Variants in PSD3 observed in about 807,000 individuals in gnomAD.
PSD3 encodes PH and SEC7 domain-containing protein 3.
In PSD3, 49 loss-of-function variants were observed where a neutral mutation model predicts 105.5. The observed-to-expected ratio is 0.46, with a 90% confidence interval of 0.37 to 0.59. The LOEUF is 0.59. PSD3 is among the 20% of genes least tolerant of loss of function. The probability of loss-of-function intolerance (pLI) is 0.00; values close to 1 mark genes in which losing one functional copy is unlikely to be tolerated. For missense variants in PSD3, 1,561 were observed against 1,263.8 expected, an observed-to-expected ratio of 1.24 and a Z score of -3.57; for synonymous variants, 557 against 457.8, an observed-to-expected ratio of 1.22 and a Z score of -2.77.
intron 9 of PSD3, among the ~76,000 whole-genome samples, chr8:18,713,622 G>A (rs1450631093): frequency 6.6e-6 from 1 of 152,028 alleles, no homozygotes; most frequent in Non-Finnish European, 1.5e-5. Context: ...TCTGCCCAAG[G>A]AAATCAGATG....
At chr8:18,802,434 C>G in intron 6 of PSD3, 2 of 300,662 alleles carry the variant, frequency 6.7e-6, no homozygotes, top group Non-Finnish European at 1.4e-5. Flanking sequence ...TACCATGAGC[C>G]TCATTTCTAT....
intron 9 of PSD3, among the ~76,000 whole-genome samples, chr8:18,701,079 C>G (rs937676409): frequency 6.6e-6 from 1 of 152,056 alleles, no homozygotes; most frequent in South Asian, 2.1e-4. Flanking sequence ...AATCCTCTCA[C>G]CCCAGCCTCC....
intron 8 of PSD3, among the ~76,000 whole-genome samples, chr8:18,776,851 G>A (rs765655997): frequency 7.2e-5 from 11 of 152,006 alleles, no homozygotes; most frequent in Non-Finnish European, 1.6e-4. Context: ...AATCTTCTTG[G>A]TAGTTTGTAT....
intron 9 of PSD3, among the ~76,000 whole-genome samples, chr8:18,663,676 T>C (rs571152490): frequency 2.0e-5 from 3 of 152,328 alleles, no homozygotes; most frequent in African/African-American, 4.8e-5. Flanking sequence ...ACTATGCTAG[T>C]ATGAATAACA....
At chr8:19,028,284 C>T (rs117012118) in intron 1 of PSD3, among the ~76,000 whole-genome samples, 5 of 94,504 alleles carry the variant, frequency 5.3e-5, no homozygotes, top group Admixed American at 1.1e-4. Context: ...CACCACCCCC[C>T]CCCCCCGGCC....
chr8:18,604,409 A>G lies in PSD3; in HGVS notation c.2411-3975T>C, dbSNP rs28791786. On this transcript the variant is annotated intron_variant, in intron 11 of 15. Transcript: ENST00000327040. ...AATTTCTAAGCAGGAAAAGTGCTCA[A>G]GATGTGGTCTGGCTGTTTCTAACAT... Among the ~76,000 whole-genome samples, 854 of 152,260 alleles carry G rather than the reference A, an allele frequency of 5.6e-3. 13 individuals are homozygous for G. Among genetic ancestry groups the G allele is most frequent in the African/African-American group, 0.019 (805 of 41,548 alleles).
chr8:19,008,136 G>A (rs927850106), intron 1 of PSD3, among the ~76,000 whole-genome samples: 1 of 152,208 alleles, frequency 6.6e-6, no homozygotes, highest in Non-Finnish European at 1.5e-5. Flanking sequence ...GAGCCATGGC[G>A]CCCGGCCAAG....
intron 15 of PSD3, among the ~76,000 whole-genome samples, chr8:18,546,119 G>T (rs1398493190): frequency 6.6e-6 from 1 of 152,064 alleles, no homozygotes; most frequent in African/African-American, 2.4e-5. Context: ...TCCTGCCTCA[G>T]CAAGTAGATG....
At chr8:18,957,882 C>T (rs1823676182) in intron 1 of PSD3, among the ~76,000 whole-genome samples, 1 of 152,204 alleles carries the variant, frequency 6.6e-6, no homozygotes, top group African/African-American at 2.4e-5. Context: ...GGAAATGAGT[C>T]TTGGCCAGAA....
chr8:18,537,877 A>G (rs1234001646), intron 15 of PSD3, among the ~76,000 whole-genome samples: 3 of 152,168 alleles, frequency 2.0e-5, no homozygotes, highest in African/African-American at 4.8e-5. Context: ...GGGTTTCGCC[A>G]TGTTGGCCAG....
At chr8:18,855,716 T>C (rs924991717) in intron 4 of PSD3, among the ~76,000 whole-genome samples, 5 of 152,172 alleles carry the variant, frequency 3.3e-5, no homozygotes, top group African/African-American at 1.2e-4. Context: ...TGTCTAATGA[T>C]TACAGATGCA....
At chr8:18,765,706 C>T (rs1806926399) in intron 8 of PSD3, among the ~76,000 whole-genome samples, 168 bp from the exon 9 acceptor site, 1 of 152,004 alleles carries the variant, frequency 6.6e-6, no homozygotes, top group African/African-American at 2.4e-5. Flanking sequence ...GTGGGTGGAT[C>T]ACGAGGTCAG....
chr8:18,695,229 G>A (rs974053), intron 9 of PSD3, among the ~76,000 whole-genome samples: 136,225 of 152,188 alleles, frequency 0.9, 61,537 homozygotes, highest in Middle Eastern at 0.96. Context: ...GGCTGGCTAT[G>A]TGAAGGCTGA....
chr8:18,858,157 A>G (rs1816169066), intron 4 of PSD3, among the ~76,000 whole-genome samples: 1 of 152,218 alleles, frequency 6.6e-6, no homozygotes, highest in Non-Finnish European at 1.5e-5. Flanking sequence ...GAATGCTGCA[A>G]TAAAGCAAAT....
At chr8:19,075,072 A>G (rs1479719422) in intron 1 of PSD3, among the ~76,000 whole-genome samples, 1 of 151,818 alleles carries the variant, frequency 6.6e-6, no homozygotes, top group Non-Finnish European at 1.5e-5. Context: ...CGGCCTCCCA[A>G]GTAGTTGGGA....
At chr8:18,953,859 C>T (rs1213181829) in intron 1 of PSD3, among the ~76,000 whole-genome samples, 1 of 151,882 alleles carries the variant, frequency 6.6e-6, no homozygotes, top group Non-Finnish European at 1.5e-5. Flanking sequence ...TGTATGCCAA[C>T]ATATATAAAA....
intron 13 of PSD3, among the ~76,000 whole-genome samples, chr8:18,574,140 T>C (rs539045604): frequency 2.6e-5 from 4 of 152,182 alleles, no homozygotes; most frequent in South Asian, 2.1e-4. Context: ...ACCATACACA[T>C]AATCAATAAA....
intron 9 of PSD3, among the ~76,000 whole-genome samples, chr8:18,761,155 C>A (rs1423563557): frequency 6.6e-6 from 1 of 151,982 alleles, no homozygotes; most frequent in Non-Finnish European, 1.5e-5. Flanking sequence ...AAGGATAGGC[C>A]CAGGAGAAAG....
At chr8:18,785,271 G>A (rs1009634738) in intron 8 of PSD3, among the ~76,000 whole-genome samples, 14 of 152,050 alleles carry the variant, frequency 9.2e-5, no homozygotes, top group African/African-American at 3.4e-4. Context: ...TTGTTTCTAG[G>A]AAAAAATATC....
Sources: gnomAD v4.1 joint callset for allele counts (sites outside exome capture counted in the v4.1 genomes callset) on GRCh38, gnomAD v4.1.1 for gene constraint, MANE v1.5 for transcripts, NCBI Gene and HGNC (gene_info 2026-07-23, HGNC 2026-07-21) for gene names.